The following LIPC variants were observed in gnomAD, a reference collection of about 807,000 sequenced individuals.
The protein encoded by LIPC is lipase C, hepatic type.
A neutral mutation model predicts 50.7 loss-of-function variants in LIPC; 44 were observed. The ratio of observed to expected loss-of-function variants is 0.87; its 90% CI spans 0.68 to 1.11. The LOEUF is 1.11. Ranked by LOEUF, LIPC falls within the 50% of genes most tolerant of loss-of-function variation. LIPC has a pLI of 0.00. For synonymous variants in LIPC, 271 were observed against 256.4 expected (o/e 1.06, Z -0.54); for missense variants, 697 against 648.2 (o/e 1.08, Z -0.82).
chr15:58,432,065 G>A lies in LIPC; in HGVS notation c.33G>A (p.Leu11=). The change falls in exon 1 of 9, where the codon CTG becomes CTA. Residue 11 remains leucine (L), a synonymous_variant. Coordinates refer to ENST00000299022, the MANE Select transcript of LIPC (RefSeq NM_000236.3). ...CAAGTCCCCTGTGTTTCTCCATTCT[G>A]TTGGTTTTATGCATCTTTATCCAAT... MDTSPLCFSI[L]LVLCIFIQSS... The A allele has an allele frequency of 2.5e-6, 4 of 1,614,074 alleles. No homozygotes were observed. Among genetic ancestry groups the A allele is most frequent in the South Asian group, 1.1e-5 (1 of 91,090 alleles).
chr15:58,558,872 G>T (rs1268147334), intron 6 of LIPC, among the ~76,000 whole-genome samples: 1 of 152,212 alleles, frequency 6.6e-6, no homozygotes, highest in African/African-American at 2.4e-5. Context: ...TTTGGCTCTT[G>T]TTGTGAACAT....
chr15:58,566,326 G>A (rs1044006411), intron 8 of LIPC: 17 of 985,310 alleles, frequency 1.7e-5, no homozygotes, highest in East Asian at 1.1e-4. Context: ...TGGCAGGATC[G>A]GATGGACTCC....
chr15:58,551,381 A>G (rs1249273546), intron 6 of LIPC, among the ~76,000 whole-genome samples: 1 of 152,250 alleles, frequency 6.6e-6, no homozygotes, highest in Non-Finnish European at 1.5e-5. Context: ...TGTGGTAGCC[A>G]CAAACCATAT....
In LIPC at chr15:58,562,813, C is replaced by T. The variant is rs149859100; in HGVS notation, c.1170-692C>T. ...GCCAAGCCACACAAGGGACCCCCCC[C>T]CAACCCCACCATCCATCTGCCTCGC... On this transcript the variant is annotated intron_variant, in intron 7 of 8. Transcript: ENST00000299022. Among the ~76,000 whole-genome samples the T allele has an allele frequency of 1.9e-3, 292 of 151,088 alleles. 2 individuals carry two copies. Among genetic ancestry groups the T allele is most frequent in the African/African-American group, 6.9e-3 (280 of 40,868 alleles).
At chr15:58,435,670 G>A (rs1430920361) in intron 1 of LIPC, 1 of 152,248 alleles carries the variant, frequency 6.6e-6, no homozygotes, top group Non-Finnish European at 1.5e-5. Context: ...AGCACTTTGG[G>A]AGGCCGAGGT....
chr15:58,472,576 CAAAAAAA>C (rs34483233), intron 1 of LIPC, among the ~76,000 whole-genome samples: 5 of 122,632 alleles, frequency 4.1e-5, no homozygotes, highest in African/African-American at 6.0e-5. Flanking sequence ...ACTCTTGTCT[CAAAAAAA>C]AAAAAAAAAA....
intron 1 of LIPC, among the ~76,000 whole-genome samples, chr15:58,478,427 T>C (rs865872245): frequency 6.6e-6 from 1 of 151,980 alleles, no homozygotes; most frequent in Non-Finnish European, 1.5e-5. Context: ...TTAGTAGAGA[T>C]AGGGTTTCAA....
At chr15:58,537,834 T>C (rs1296722738) in intron 1 of LIPC, among the ~76,000 whole-genome samples, 1 of 152,146 alleles carries the variant, frequency 6.6e-6, no homozygotes, top group Non-Finnish European at 1.5e-5. Flanking sequence ...GCTTACCTGA[T>C]ATAATCTGTC....
chr15:58,438,319 T>A (rs1893379207), intron 1 of LIPC, among the ~76,000 whole-genome samples: 1 of 152,058 alleles, frequency 6.6e-6, no homozygotes, highest in Non-Finnish European at 1.5e-5. Context: ...GGCCTCAGCC[T>A]GGGTGTCCCT....
intron 1 of LIPC, among the ~76,000 whole-genome samples, chr15:58,514,437 C>A (rs1445484352): frequency 1.3e-5 from 2 of 152,114 alleles, no homozygotes; most frequent in African/African-American, 4.8e-5. Flanking sequence ...TTTCATTATA[C>A]CCTTATCTCA....
At chr15:58,540,091 G>A (rs2140909174) in intron 2 of LIPC, among the ~76,000 whole-genome samples, 2 of 152,294 alleles carry the variant, frequency 1.3e-5, no homozygotes, top group South Asian at 4.1e-4. Context: ...ATAGACTACT[G>A]TGGGCCACTA....
At chr15:58,449,056 C>T (rs1241724250) in intron 1 of LIPC, among the ~76,000 whole-genome samples, 4 of 151,416 alleles carry the variant, frequency 2.6e-5, no homozygotes, top group Non-Finnish European at 1.5e-5. Context: ...GTGCACACGA[C>T]GGGCAGTGGG....
chr15:58,496,395 A>C (rs1891764794), intron 1 of LIPC, among the ~76,000 whole-genome samples: 1 of 152,162 alleles, frequency 6.6e-6, no homozygotes, highest in Non-Finnish European at 1.5e-5. Context: ...AGTCATCTAC[A>C]GTTGGACACC....
chr15:58,520,004 G>A (rs763366014), intron 1 of LIPC, among the ~76,000 whole-genome samples: 2 of 151,862 alleles, frequency 1.3e-5, no homozygotes, highest in Non-Finnish European at 2.9e-5. Flanking sequence ...AGGGTGCGTA[G>A]AAAGAGCATT....
At chr15:58,530,631 C>T (rs761250749) in intron 1 of LIPC, among the ~76,000 whole-genome samples, 70 of 152,268 alleles carry the variant, frequency 4.6e-4, no homozygotes, top group Non-Finnish European at 7.2e-4. Context: ...TTCCATCTCT[C>T]TTTAGAGATT....
chr15:58,432,058 C>G lies in LIPC; in HGVS notation c.26C>G (p.Ser9Cys). 6.2e-7 allele frequency: 1 copy of G among 1,614,010 alleles called. No homozygotes were observed. The highest frequency in any genetic ancestry group is 8.5e-7 in the Non-Finnish European group (1 of 1,179,918). MDTSPLCF[S>C]ILLVLCIFIQ... ...ATGGACACAAGTCCCCTGTGTTTCT[C>G]CATTCTGTTGGTTTTATGCATCTTT... Residue 9 changes from serine to cysteine, a missense_variant, in exon 1 of 9, where the codon TCC becomes TGC. Coordinates refer to ENST00000299022, the MANE Select transcript of LIPC (RefSeq NM_000236.3).
At chr15:58,509,498 G>T (rs1238836737) in intron 1 of LIPC, among the ~76,000 whole-genome samples, 1 of 152,200 alleles carries the variant, frequency 6.6e-6, no homozygotes, top group Non-Finnish European at 1.5e-5. Context: ...TCCAAGGATT[G>T]CTGTGAAGAT....
chr15:58,555,166 C>T (rs1438740663), intron 6 of LIPC, among the ~76,000 whole-genome samples: 3 of 152,338 alleles, frequency 2.0e-5, no homozygotes, highest in African/African-American at 4.8e-5. Flanking sequence ...CTCCTAAAAT[C>T]GTGGAACCAT....
intron 1 of LIPC, chr15:58,454,778 C>T (rs1265552389): frequency 6.6e-6 from 1 of 152,210 alleles, no homozygotes; most frequent in South Asian, 2.1e-4. Flanking sequence ...TGAGATGTGT[C>T]GCCCACATGG....
Sources: allele counts gnomAD v4.1 joint callset (sites outside exome capture counted in the v4.1 genomes callset), GRCh38; gene constraint gnomAD v4.1.1; transcripts MANE v1.5; gene names NCBI Gene and HGNC (gene_info 2026-07-23, HGNC 2026-07-21).